DIAPH2: variants seen among roughly 807,000 people sequenced by gnomAD.
The protein encoded by DIAPH2 is protein diaphanous homolog 2.
In DIAPH2, 35 loss-of-function variants were observed where a neutral mutation model predicts 92.7. That is an observed-to-expected ratio of 0.38 (90% confidence interval 0.29 to 0.50). DIAPH2 has a LOEUF of 0.50. Among genes scored for constraint, DIAPH2 ranks in the 20% least tolerant of loss-of-function variants. The probability of loss-of-function intolerance (pLI) is 0.94; values close to 1 mark genes in which losing one functional copy is unlikely to be tolerated. For synonymous variants in DIAPH2, 301 were observed against 280.4 expected (o/e 1.07, Z -0.73); for missense variants, 701 against 819.5 (o/e 0.86, Z 1.77).
chrX:96,846,521 T>C (rs2147707459), intron 4 of DIAPH2, among the ~76,000 whole-genome samples: 1 of 112,397 alleles, frequency 8.9e-6, no homozygotes, highest in East Asian at 2.8e-4. Flanking sequence ...ATAGTTAAAC[T>C]TTCAAATAAA....
intron 22 of DIAPH2, among the ~76,000 whole-genome samples, chrX:97,171,023 C>A (rs1048977194): frequency 1.8e-5 from 2 of 110,711 alleles, no homozygotes; most frequent in Admixed American, 9.7e-5. Context: ...ATTACAGGCA[C>A]GCACCACCAC....
intron 17 of DIAPH2, among the ~76,000 whole-genome samples, chrX:97,060,304 T>C (rs2066588624): frequency 8.9e-6 from 1 of 112,476 alleles, no homozygotes; most frequent in Non-Finnish European, 1.9e-5. Flanking sequence ...CAGGTTGCTG[T>C]CCTGATCCAG....
intron 17 of DIAPH2, among the ~76,000 whole-genome samples, chrX:97,048,864 G>A (rs776118949): frequency 9.0e-6 from 1 of 110,647 alleles, no homozygotes; most frequent in East Asian, 2.8e-4. Context: ...TTTAGCCAGT[G>A]AGAGCTCCCT....
intron 25 of DIAPH2, among the ~76,000 whole-genome samples, chrX:97,387,082 T>A (rs768529011): frequency 1.7e-4 from 19 of 111,721 alleles, no homozygotes; most frequent in African/African-American, 6.2e-4. Context: ...TGTTTTTGTT[T>A]GAGACAGGGT....
At chrX:97,459,558 TGTG>T (rs1460097207) in intron 26 of DIAPH2, among the ~76,000 whole-genome samples, 3 of 112,331 alleles carry the variant, frequency 2.7e-5, no homozygotes, top group Non-Finnish European at 5.6e-5. Flanking sequence ...AAAAGCCAAA[TGTG>T]GTGGTTACTA....
rs185636918 is a variant in DIAPH2, at chrX:97,014,003, G to A, written c.2050+48796G>A. 8.1e-4 allele frequency among the ~76,000 whole-genome samples: 91 copies of A among 112,259 alleles called. No individual in the cohort carries two copies. In the East Asian group the frequency reaches 0.025, roughly 30 times the overall value. On this transcript the variant is annotated intron_variant, in intron 17 of 26. Coordinates refer to ENST00000324765, the MANE Select transcript of DIAPH2 (RefSeq NM_006729.5). ...GAATGGCTCTGATGATAGAAAAATAGGAAAGAGCCTCTTTGTGATGCAGTG... is the reference window on the plus strand; with the variant it reads ...GAATGGCTCTGATGATAGAAAAATAAGAAAGAGCCTCTTTGTGATGCAGTG...
At chrX:97,579,733 C>T (rs2071425117) in intron 26 of DIAPH2, among the ~76,000 whole-genome samples, 3 of 110,294 alleles carry the variant, frequency 2.7e-5, no homozygotes, top group South Asian at 7.9e-4. Flanking sequence ...ATGGGGATGG[C>T]ATTGAATCTG....
Position 97,429,520 on chromosome X carries a change from T to C in DIAPH2, c.3146-130T>C, listed in dbSNP as rs780076452. The C allele has an allele frequency of 5.5e-6, 5 of 910,588 alleles. No individual in the cohort carries two copies. In the South Asian group the frequency reaches 1.4e-4, roughly 26 times the overall value. The allele number at this position is 910,588 out of a possible 1,213,427, so 75.0% of individuals were successfully genotyped here. A position where few individuals can be genotyped will look rare whatever the true frequency, so the allele number is the denominator to read the frequency against. ...TGGTGCCAGAAACTGACAGGATCCA[T>C]TATGTTAAAACAGATATATGTCTTT... On this transcript the variant is annotated intron_variant, in intron 25 of 26. Transcript: ENST00000324765.
At chrX:97,252,629 G>A (rs2068197575) in intron 23 of DIAPH2, among the ~76,000 whole-genome samples, 1 of 111,897 alleles carries the variant, frequency 8.9e-6, no homozygotes, top group Non-Finnish European at 1.9e-5. Flanking sequence ...TCAGGGAGAT[G>A]ATAATCCACA....
At chrX:97,123,676 G>A (rs1335750247) in intron 21 of DIAPH2, among the ~76,000 whole-genome samples, 2 of 112,073 alleles carry the variant, frequency 1.8e-5, no homozygotes, top group Non-Finnish European at 3.8e-5. Context: ...CACCTCTAAT[G>A]CCCTTCATTG....
At chrX:97,501,575 C>T (rs2070798293) in intron 26 of DIAPH2, among the ~76,000 whole-genome samples, 2 of 111,024 alleles carry the variant, frequency 1.8e-5, no homozygotes, top group African/African-American at 6.5e-5. Context: ...TTACTATATA[C>T]TAAAATGTTG....
At position 97,425,780 on chromosome X, in the gene DIAPH2, C is replaced by CAA. The variant is rs770197385; in HGVS notation, c.3146-3855_3146-3854dup. Among the ~76,000 whole-genome samples the CAA allele has an allele frequency of 7.3e-3, 425 of 57,895 alleles. 2 individuals carry two copies. Among genetic ancestry groups the CAA allele is most frequent in the African/African-American group, 0.024 (405 of 16,615 alleles). 50.3% of individuals were successfully genotyped at this position (57,895 alleles called of 115,157 possible). A position where few individuals can be genotyped will look rare whatever the true frequency, so the allele number is the denominator to read the frequency against. The stretch of plus-strand genomic sequence containing the variant: ...TCGGCAACAGAGGGAGACTCGGTCT[C>CAA]AAAAAAAAAAAAAAAATCATATACT... On this transcript the variant is annotated intron_variant, in intron 25 of 26. Coordinates refer to ENST00000324765, the MANE Select transcript of DIAPH2 (RefSeq NM_006729.5).
chrX:96,688,451 C>T (rs968309648), intron 1 of DIAPH2, among the ~76,000 whole-genome samples: 15 of 111,880 alleles, frequency 1.3e-4, no homozygotes, highest in Non-Finnish European at 1.9e-5. Context: ...TCTCCTGCCT[C>T]AGCCTCCCTA....
chrX:96,745,007 CTTT>C (rs746267062), intron 3 of DIAPH2, among the ~76,000 whole-genome samples: 2 of 96,557 alleles, frequency 2.1e-5, no homozygotes, highest in African/African-American at 3.7e-5. Context: ...AGGTGTAAAA[CTTT>C]TTTTTTTTTT....
intron 26 of DIAPH2, among the ~76,000 whole-genome samples, chrX:97,592,132 A>T (rs1006185711): frequency 1.8e-5 from 2 of 112,310 alleles, no homozygotes; most frequent in African/African-American, 6.5e-5. Flanking sequence ...CATATTTTCT[A>T]CATTTGTAGT....
chrX:97,127,673 A>G (rs888078098), intron 21 of DIAPH2, among the ~76,000 whole-genome samples: 2 of 112,660 alleles, frequency 1.8e-5, no homozygotes, highest in African/African-American at 3.2e-5. Flanking sequence ...AATTTCTTGT[A>G]GTAACTTTAC....
At chrX:97,485,656 G>C (rs1337740666) in intron 26 of DIAPH2, among the ~76,000 whole-genome samples, 1 of 112,827 alleles carries the variant, frequency 8.9e-6, no homozygotes, top group Non-Finnish European at 1.9e-5. Flanking sequence ...AGCTTTTGTT[G>C]AATATTCCTT....
chrX:97,046,747 A>G (rs2065813178), intron 17 of DIAPH2, among the ~76,000 whole-genome samples: 1 of 111,991 alleles, frequency 8.9e-6, no homozygotes, highest in South Asian at 3.8e-4. Context: ...ATCTTGGACC[A>G]TGGAATTTAA....
At chrX:97,119,481 AG>A (rs1270756112) in intron 21 of DIAPH2, among the ~76,000 whole-genome samples, 2 of 111,598 alleles carry the variant, frequency 1.8e-5, no homozygotes, top group African/African-American at 6.5e-5. Context: ...GGACTCTGTA[AG>A]GGTTCTTAGC....
Sources: gnomAD v4.1 joint callset for allele counts (sites outside exome capture counted in the v4.1 genomes callset) on GRCh38, gnomAD v4.1.1 for gene constraint, MANE v1.5 for transcripts, NCBI Gene and HGNC (gene_info 2026-07-23, HGNC 2026-07-21) for gene names.